NRXN1: variants seen among roughly 807,000 people sequenced by gnomAD.
NRXN1 encodes the protein neurexin 1.
Under a neutral mutation model 150.9 loss-of-function variants are expected in NRXN1, and 39 were observed. The observed-to-expected ratio is 0.26, with a 90% confidence interval of 0.20 to 0.34. NRXN1 has a LOEUF of 0.34. NRXN1 is among the 10% of genes least tolerant of loss of function. The probability of loss-of-function intolerance (pLI) is 1.00; values close to 1 mark genes in which losing one functional copy is unlikely to be tolerated. For synonymous variants in NRXN1, 924 were observed against 757.0 expected (o/e 1.22, Z -3.62); for missense variants, 1,815 against 1,949.9 (o/e 0.93, Z 1.30).
intron 5 of NRXN1, among the ~76,000 whole-genome samples, chr2:50,792,741 T>C (rs866576473): frequency 5.3e-5 from 8 of 152,096 alleles, no homozygotes; most frequent in Middle Eastern, 3.4e-3. Context: ...AATAAGATGA[T>C]ACAAAGAAGG....
chr2:50,217,958 G>A (rs2063519711), intron 18 of NRXN1, among the ~76,000 whole-genome samples: 1 of 151,928 alleles, frequency 6.6e-6, no homozygotes, highest in African/African-American at 2.4e-5. Flanking sequence ...ACACCATGTT[G>A]TATCTCAATT....
chr2:50,299,363 T>C (rs2073939382), intron 17 of NRXN1, among the ~76,000 whole-genome samples: 1 of 152,204 alleles, frequency 6.6e-6, no homozygotes, highest in African/African-American at 2.4e-5. Context: ...TCTCATTTAC[T>C]GAATAAAGTA....
At chr2:50,653,647 TAATG>T (rs1685958952) in intron 5 of NRXN1, among the ~76,000 whole-genome samples, 1 of 152,064 alleles carries the variant, frequency 6.6e-6, no homozygotes, top group Non-Finnish European at 1.5e-5. Flanking sequence ...TACACACAAA[TAATG>T]AACAGAAGTT....
chr2:50,989,313 T>C (rs1698191963), intron 2 of NRXN1, among the ~76,000 whole-genome samples: 2 of 152,000 alleles, frequency 1.3e-5, no homozygotes, highest in African/African-American at 4.8e-5. Flanking sequence ...AGAATACAAT[T>C]GTTAAAGTTA....
At chr2:50,313,804 A>G (rs1484087882) in intron 17 of NRXN1, among the ~76,000 whole-genome samples, 1 of 152,108 alleles carries the variant, frequency 6.6e-6, no homozygotes, top group Non-Finnish European at 1.5e-5. Context: ...GCAGCTAAGG[A>G]CACTGGAGAC....
intron 2 of NRXN1, among the ~76,000 whole-genome samples, chr2:50,933,496 A>G (rs949454034): frequency 5.8e-4 from 88 of 152,122 alleles, no homozygotes; most frequent in African/African-American, 2.1e-3. Flanking sequence ...TACAAACTGC[A>G]ATTCTCTTTT....
chr2:50,698,579 C>CT (rs1693262535), intron 5 of NRXN1, among the ~76,000 whole-genome samples: 2 of 152,284 alleles, frequency 1.3e-5, no homozygotes, highest in South Asian at 4.1e-4. Context: ...AGTCAATTCT[C>CT]AATAGAGTAA....
intron 21 of NRXN1, among the ~76,000 whole-genome samples, chr2:49,969,333 C>G (rs1445194348): frequency 1.3e-5 from 2 of 151,814 alleles, no homozygotes; most frequent in East Asian, 3.9e-4. Context: ...GGTAACTGGT[C>G]CAAAAAGCAC....
At chr2:50,436,376 C>T (rs1453919556) in intron 17 of NRXN1, among the ~76,000 whole-genome samples, 1 of 151,956 alleles carries the variant, frequency 6.6e-6, no homozygotes, top group Non-Finnish European at 1.5e-5. Flanking sequence ...TCCCTTTGAA[C>T]CCATGGGCAG....
intron 17 of NRXN1, among the ~76,000 whole-genome samples, chr2:50,304,896 C>A (rs568087585): frequency 6.6e-6 from 1 of 152,216 alleles, no homozygotes; most frequent in South Asian, 2.1e-4. Context: ...TCGAGACCAG[C>A]CTGGCCAACA....
At chr2:50,781,457 G>GCC (rs1704336917) in intron 5 of NRXN1, among the ~76,000 whole-genome samples, 1 of 152,010 alleles carries the variant, frequency 6.6e-6, no homozygotes, top group Non-Finnish European at 1.5e-5. Context: ...CAAGCGCTTA[G>GCC]CCCTGAACAT....
chr2:50,833,217 A>C (rs1671652915), intron 5 of NRXN1, among the ~76,000 whole-genome samples: 1 of 152,216 alleles, frequency 6.6e-6, no homozygotes, highest in South Asian at 2.1e-4. Flanking sequence ...TAGAACTCTA[A>C]CACATTGCTG....
chr2:50,735,984 A>G (rs1698690305), intron 5 of NRXN1, among the ~76,000 whole-genome samples: 1 of 152,234 alleles, frequency 6.6e-6, no homozygotes, highest in South Asian at 2.1e-4. Context: ...AAATCTGGTC[A>G]TATTAGCTCT....
At chr2:50,271,761 A>G (rs557395291) in intron 17 of NRXN1, among the ~76,000 whole-genome samples, 9 of 152,154 alleles carry the variant, frequency 5.9e-5, no homozygotes, top group Admixed American at 2.6e-4. Context: ...AAAAATGTAA[A>G]CTTGCCTATT....
At chr2:50,850,167 A>G (rs1674302474) in intron 5 of NRXN1, among the ~76,000 whole-genome samples, 2 of 151,684 alleles carry the variant, frequency 1.3e-5, no homozygotes, top group South Asian at 4.2e-4. Flanking sequence ...AGTTGCAGCT[A>G]CAGTGAGCTG....
intron 5 of NRXN1, among the ~76,000 whole-genome samples, chr2:50,849,882 C>T (rs924296182): frequency 2.6e-5 from 4 of 152,080 alleles, no homozygotes; most frequent in Non-Finnish European, 5.9e-5. Flanking sequence ...ACATCATTGA[C>T]ACTTTATGAC....
intron 5 of NRXN1, chr2:50,917,915 A>G (rs953143367): frequency 6.6e-6 from 1 of 151,720 alleles, no homozygotes; most frequent in African/African-American, 2.4e-5. Context: ...ATAATATCAA[A>G]TCTATTATAA....
intron 8 of NRXN1, among the ~76,000 whole-genome samples, chr2:50,586,163 C>A (rs1020233092): frequency 6.6e-6 from 1 of 152,150 alleles, no homozygotes; most frequent in Non-Finnish European, 1.5e-5. Flanking sequence ...ACTTACCCTC[C>A]AGGGTGTTTG....
chr2:50,322,770 TA>T (rs1261551121), intron 17 of NRXN1, among the ~76,000 whole-genome samples: 1 of 152,174 alleles, frequency 6.6e-6, no homozygotes, highest in Non-Finnish European at 1.5e-5. Context: ...ATTTAAAAAT[TA>T]AGTTTCATGG....
Sources: allele counts gnomAD v4.1 joint callset (sites outside exome capture counted in the v4.1 genomes callset), GRCh38; gene constraint gnomAD v4.1.1; transcripts MANE v1.5; gene names NCBI Gene and HGNC (gene_info 2026-07-23, HGNC 2026-07-21).